The following EXOC7 variants were observed in gnomAD, a reference collection of about 807,000 sequenced individuals.
The protein encoded by EXOC7 is exocyst complex component 7.
Under a neutral mutation model 87.6 loss-of-function variants are expected in EXOC7, and 51 were observed. The ratio of observed to expected loss-of-function variants is 0.58; its 90% CI spans 0.46 to 0.73. EXOC7 has a LOEUF of 0.73. Ranked by LOEUF, EXOC7 falls within the 30% of genes least tolerant of loss-of-function variation. EXOC7 has a pLI of 0.00. For missense variants in EXOC7, 744 were observed against 888.4 expected, an observed-to-expected ratio of 0.84 and a Z score of 2.07; for synonymous variants, 327 against 357.1, an observed-to-expected ratio of 0.92 and a Z score of 0.95.
chr17:76,091,126 G>C lies in EXOC7; in HGVS notation c.901+17C>G, dbSNP rs1377720506. On this transcript the variant is annotated intron_variant, in intron 7 of 18. Coordinates refer to ENST00000589210, the MANE Select transcript of EXOC7 (RefSeq NM_001013839.4). Reference sequence around the variant, plus strand: ...AGTGGAGGAGGAAGGGACAGGAGGGGAACACAGGGTGATTACCTTCCAGAG... The same window carrying C: ...AGTGGAGGAGGAAGGGACAGGAGGGCAACACAGGGTGATTACCTTCCAGAG... 1.2e-6 allele frequency: 2 copies of C among 1,604,600 alleles called. No homozygotes were observed. Among genetic ancestry groups the C allele is most frequent in the Admixed American group, 1.7e-5 (1 of 60,008 alleles).
At position 76,083,317 on chromosome 17, in the gene EXOC7, T is replaced by C. The variant is rs1188620497; in HGVS notation, c.*331A>G. 2 of 292,088 alleles carry C rather than the reference T, an allele frequency of 6.8e-6. No individual in the cohort carries two copies. The highest frequency in any genetic ancestry group is 1.3e-5 in the Non-Finnish European group (2 of 151,898). 18.1% of individuals were successfully genotyped at this position (292,088 alleles called of 1,614,324 possible). A position where few individuals can be genotyped will look rare whatever the true frequency, so the allele number is the denominator to read the frequency against. On this transcript the variant is annotated 3_prime_UTR_variant, in exon 19 of 19. Transcript: ENST00000589210. The stretch of plus-strand genomic sequence containing the variant: ...GGCTGGAGGGAGGGCCCTTCTGCCC[T>C]GCTGCTCTTGGTACACATGGAGCAG...
At chr17:76,094,984 A>G (rs1386420233) in intron 5 of EXOC7, among the ~76,000 whole-genome samples, 2 of 151,504 alleles carry the variant, frequency 1.3e-5, no homozygotes, top group African/African-American at 2.4e-5. Context: ...TTTTTGAGAC[A>G]AGGTCTTACT....
chr17:76,081,284 A>G lies in EXOC7; in HGVS notation c.*2364T>C. The G allele has an allele frequency of 6.2e-7, 1 of 1,613,704 alleles. No homozygotes were observed. The highest frequency in any genetic ancestry group is 1.1e-5 in the South Asian group (1 of 91,070). On this transcript the variant is annotated 3_prime_UTR_variant, in exon 19 of 19. Coordinates refer to ENST00000589210, the MANE Select transcript of EXOC7 (RefSeq NM_001013839.4). Reference sequence around the variant, plus strand: ...TCTCATTCCCACCCCTCAGCGATGGAGTTAGAGTTCCAGGCCCACGTGGTG... The same window carrying G: ...TCTCATTCCCACCCCTCAGCGATGGGGTTAGAGTTCCAGGCCCACGTGGTG...
Position 76,101,258 on chromosome 17 carries a change from G to A in EXOC7, c.417+13C>T, listed in dbSNP as rs772445106. On this transcript the variant is annotated intron_variant, in intron 4 of 18. Transcript: ENST00000589210. ...ATCCCCAAGCTTCTCACGTTATTCTGCGGACCCCTTACCACTTTGTTGAGT... is the reference window on the plus strand; with the variant it reads ...ATCCCCAAGCTTCTCACGTTATTCTACGGACCCCTTACCACTTTGTTGAGT... 3.7e-6 allele frequency: 6 copies of A among 1,613,780 alleles called. No homozygotes were observed. The African/African-American group carries it at 6.7e-5, about 18-fold the overall frequency.
intron 5 of EXOC7, among the ~76,000 whole-genome samples, chr17:76,096,503 C>A (rs2067759769): frequency 7.6e-6 from 1 of 131,374 alleles, no homozygotes; most frequent in Non-Finnish European, 1.6e-5. Context: ...CAGAGCGAGA[C>A]TCTGTCTCAA....
Position 76,081,211 on chromosome 17 carries a change from G to A in EXOC7, c.*2437C>T. On this transcript the variant is annotated 3_prime_UTR_variant, in exon 19 of 19. Coordinates refer to ENST00000589210, the MANE Select transcript of EXOC7 (RefSeq NM_001013839.4). ...CTCCATCACCCCTGGGCTCCAGTCT[G>A]CTACCCCCAGACTTGGCAGCTGGGA... 6.3e-7 allele frequency: 1 copy of A among 1,598,824 alleles called. No homozygotes were observed.
chr17:76,095,068 A>T (rs1307506781), intron 5 of EXOC7, among the ~76,000 whole-genome samples: 1 of 151,528 alleles, frequency 6.6e-6, no homozygotes, highest in South Asian at 2.1e-4. Context: ...TCAACCAATT[A>T]TCTTGCCTCA....
intron 6 of EXOC7, 122 bp downstream of exon 6, chr17:76,094,292 C>T (rs2067640035): frequency 2.2e-5 from 24 of 1,074,960 alleles, no homozygotes; most frequent in Middle Eastern, 3.2e-4. Context: ...TACCTACAGT[C>T]GGGGTTACCA....
intron 12 of EXOC7, 147 bp from the exon 13 acceptor site, chr17:76,086,292 T>C: frequency 2.5e-6 from 2 of 801,896 alleles, no homozygotes; most frequent in Non-Finnish European, 4.1e-6. Context: ...AGCCACAGGG[T>C]GGCCCCTGCC....
rs576699784 is a variant in EXOC7 at position 76,097,825 on chromosome 17, C to T, written c.611G>A (p.Arg204His). 14 of 1,613,494 alleles carry T rather than the reference C, an allele frequency of 8.7e-6. No homozygotes were observed. The highest frequency in any genetic ancestry group is 5.0e-5 in the Admixed American group (3 of 59,960). Reference protein sequence around the residue: ...SVLQDVIRISRWLVEYGRNQD... With the variant: ...SVLQDVIRISHWLVEYGRNQD... ...GTTGCGGCCATATTCCACCAGCCAGCGGGAGATGCGAATGACATCCTGGAG... is the reference window on the plus strand; with the variant it reads ...GTTGCGGCCATATTCCACCAGCCAGTGGGAGATGCGAATGACATCCTGGAG... Residue 204 changes from arginine to histidine, a missense_variant, in exon 5 of 19, where the codon CGC (arginine) becomes CAC (histidine). By Grantham distance (29) the Arg-to-His change is conservative (BLOSUM62 0). This residue lies in a region of EXOC7 where 512 missense variants were observed against 573.0 expected (regional missense o/e 0.89). Coordinates refer to ENST00000589210, the MANE Select transcript of EXOC7 (RefSeq NM_001013839.4).
Position 76,084,253 on chromosome 17 carries a change from A to ATTT in EXOC7, c.1812_1813insAAA (p.Arg604_Phe605insLys). 6.2e-7 allele frequency: 1 copy of ATTT among 1,613,398 alleles called. No homozygotes were observed. The highest frequency in any genetic ancestry group is 8.5e-7 in the Non-Finnish European group (1 of 1,179,888). Reference sequence around the variant, plus strand: ...GGGAGAGGACCCCGACTCACCTTAAAACGCTCCTTGATAATCTGCCGCTCC... The same window carrying ATTT: ...GGGAGAGGACCCCGACTCACCTTAAATTTACGCTCCTTGATAATCTGCCGCTCC... On this transcript the variant is annotated inframe_insertion, in exon 17 of 19. Coordinates refer to ENST00000589210, the MANE Select transcript of EXOC7 (RefSeq NM_001013839.4).
rs2067363798 is a variant in EXOC7 at position 76,089,267 on chromosome 17, C to T, written c.955G>A (p.Ala319Thr). The T allele has an allele frequency of 3.1e-6, 5 of 1,614,112 alleles. No individual in the cohort carries two copies. Among genetic ancestry groups the T allele is most frequent in the African/African-American group, 1.3e-5 (1 of 75,024 alleles). Residue 319 changes from alanine to threonine, a missense_variant, in exon 8 of 19, where the codon GCC (alanine) becomes ACC (threonine). Physicochemically the swap from Ala to Thr is moderately conservative, Grantham distance 58. Transcript: ENST00000589210. ...TCGCTCTGCGCCAGCTTGACGAAGG[C>T]ACTGACGCAGTGGATGTAGGCATCG... The part of the protein sequence containing the change: ...ETDAYIHCVS[A>T]FVKLAQSEYQ...
At chr17:76,099,617 G>A (rs891620764) in intron 4 of EXOC7, among the ~76,000 whole-genome samples, 4 of 152,208 alleles carry the variant, frequency 2.6e-5, no homozygotes, top group African/African-American at 9.7e-5. Flanking sequence ...GCTATAGCAT[G>A]GATTGATCTT....
At position 76,084,529 on chromosome 17, in the gene EXOC7, C is replaced by A; in HGVS notation, c.1764G>T (p.Gln588His). The A allele has an allele frequency of 6.2e-7, 1 of 1,613,940 alleles. No individual in the cohort carries two copies. The highest frequency in any genetic ancestry group is 8.5e-7 in the Non-Finnish European group (1 of 1,180,006). The change falls in exon 16 of 19, where the codon CAG becomes CAT. Residue 588 changes from glutamine (Q) to histidine (H), a missense_variant. By Grantham distance (24) the Gln-to-His change is conservative (BLOSUM62 0). Coordinates refer to ENST00000589210, the MANE Select transcript of EXOC7 (RefSeq NM_001013839.4). ...YIAEKNLPVF[Q>H]PGVKLRDKER... ...GTCTTGAGCCCACCTTGACTCCCGG[C>A]TGGAACACAGGTAGATTCTTCTCTG...
Position 76,102,801 on chromosome 17 carries a change from C to A in EXOC7, c.126+560G>T, listed in dbSNP as rs2068138371. On this transcript the variant is annotated intron_variant, in intron 2 of 18. Transcript: ENST00000589210. ...TGCAAGATGCAGTCGCATGCATTAG[C>A]GCATATGACCTTCACAGACACACTG... Among the ~76,000 whole-genome samples, 3 of 152,146 alleles carry A rather than the reference C, an allele frequency of 2.0e-5. No individual in the cohort carries two copies. In the South Asian group the frequency reaches 6.2e-4, roughly 32 times the overall value.
At chr17:76,097,196 AG>A (rs2067802767) in intron 5 of EXOC7, among the ~76,000 whole-genome samples, 1 of 152,174 alleles carries the variant, frequency 6.6e-6, no homozygotes. Flanking sequence ...TGGAGGCATC[AG>A]GGAATGGGAG....
In EXOC7 at chr17:76,089,226, G is replaced by A. The variant is rs759096775; in HGVS notation, c.996C>T (p.Ala332=). The A allele has an allele frequency of 1.4e-5, 22 of 1,613,918 alleles. No individual in the cohort carries two copies. Among genetic ancestry groups the A allele is most frequent in the East Asian group, 2.2e-5 (1 of 44,902 alleles). ...TCTGGTGGTGCTCGGGGATGATGTCGGCCAGCAGCTGGTACTCGCTCTGCG... is the reference window on the plus strand; with the variant it reads ...TCTGGTGGTGCTCGGGGATGATGTCAGCCAGCAGCTGGTACTCGCTCTGCG... ...KLAQSEYQLL[A]DIIPEHHQKK... The change falls in exon 8 of 19, where the codon GCC becomes GCT. Residue 332 remains alanine, a synonymous_variant. Transcript: ENST00000589210.
intron 3 of EXOC7, 40 bp from the exon 4 acceptor site, chr17:76,101,416 G>A (rs1211409655): frequency 1.9e-6 from 3 of 1,610,364 alleles, no homozygotes; most frequent in Non-Finnish European, 1.7e-6. Context: ...GGGCATGGGG[G>A]ATGAAGAAGG....
chr17:76,090,344 G>C, intron 7 of EXOC7: 1 of 1,551,544 alleles, frequency 6.4e-7, no homozygotes, highest in South Asian at 1.2e-5. Flanking sequence ...AGCGGCCCGT[G>C]CTTGTCGTTC....
Sources: gnomAD v4.1 joint callset for allele counts (sites outside exome capture counted in the v4.1 genomes callset) on GRCh38, gnomAD v4.1.1 for gene constraint, gnomAD v4.1.1 regional missense constraint, MANE v1.5 for transcripts, NCBI Gene and HGNC (gene_info 2026-07-23, HGNC 2026-07-21) for gene names.